Variants in NRXN1 observed in about 807,000 individuals in gnomAD.
The protein encoded by NRXN1 is neurexin 1, also known as neurexin-1.
In NRXN1, 39 loss-of-function variants were observed where a neutral mutation model predicts 150.9. The observed-to-expected ratio is 0.26, with a 90% CI of 0.20 to 0.34. The LOEUF is 0.34. Ranked by LOEUF, NRXN1 falls within the 10% of genes least tolerant of loss-of-function variation. NRXN1 has a pLI of 1.00. For synonymous variants in NRXN1, 924 were observed against 757.0 expected (o/e 1.22, Z -3.62); for missense variants, 1,815 against 1,949.9 (o/e 0.93, Z 1.30).
At chr2:50,782,406 T>G (rs894450354) in intron 5 of NRXN1, among the ~76,000 whole-genome samples, 4 of 151,748 alleles carry the variant, frequency 2.6e-5, no homozygotes, top group Admixed American at 6.6e-5. Flanking sequence ...GGAAAAGGGG[T>G]TGCAGTGAGC....
At chr2:50,441,068 C>T (rs545610289) in intron 17 of NRXN1, among the ~76,000 whole-genome samples, 2 of 152,268 alleles carry the variant, frequency 1.3e-5, no homozygotes, top group African/African-American at 4.8e-5. Context: ...ATTTCTAGAA[C>T]TTCTGATTGT....
intron 8 of NRXN1, among the ~76,000 whole-genome samples, chr2:50,614,599 C>T (rs188818438): frequency 2.7e-5 from 4 of 149,432 alleles, no homozygotes; most frequent in African/African-American, 4.9e-5. Flanking sequence ...AACAAACCTG[C>T]ACGTTGTACA....
At chr2:50,056,347 T>C (rs4971551) in intron 19 of NRXN1, among the ~76,000 whole-genome samples, 4 of 151,852 alleles carry the variant, frequency 2.6e-5, no homozygotes, top group African/African-American at 9.7e-5. Flanking sequence ...TTTGGAGAGA[T>C]AGAAAAGAAC....
intron 18 of NRXN1, chr2:50,174,681 A>G (rs1201692565): frequency 2.0e-5 from 3 of 152,186 alleles, no homozygotes; most frequent in African/African-American, 7.2e-5. Flanking sequence ...GTTCTATAAA[A>G]CAGATAATAG....
intron 17 of NRXN1, among the ~76,000 whole-genome samples, chr2:50,335,501 T>C (rs1272840996): frequency 6.6e-6 from 1 of 152,196 alleles, no homozygotes; most frequent in African/African-American, 2.4e-5. Context: ...AAGTTTTTCC[T>C]CGTCATCTTT....
intron 15 of NRXN1, among the ~76,000 whole-genome samples, chr2:50,472,724 T>A (rs1370500754): frequency 6.6e-6 from 1 of 151,652 alleles, no homozygotes; most frequent in Non-Finnish European, 1.5e-5. Flanking sequence ...ATTGAAGGAA[T>A]GTGGGCTAGC....
intron 21 of NRXN1, among the ~76,000 whole-genome samples, chr2:49,997,705 C>T (rs1245747604): frequency 2.0e-5 from 3 of 152,042 alleles, no homozygotes; most frequent in Non-Finnish European, 2.9e-5. Flanking sequence ...TTAGAATTTT[C>T]CTAAATTATG....
intron 5 of NRXN1, among the ~76,000 whole-genome samples, chr2:50,663,328 GTTC>G (rs1300658833): frequency 1.3e-5 from 2 of 151,814 alleles, no homozygotes; most frequent in Admixed American, 1.3e-4. Flanking sequence ...AGGATTCTTG[GTTC>G]TTCTGGGAAA....
At chr2:50,784,914 C>T (rs1048843326) in intron 5 of NRXN1, among the ~76,000 whole-genome samples, 31 of 152,024 alleles carry the variant, frequency 2.0e-4, no homozygotes, top group African/African-American at 6.0e-4. Flanking sequence ...GTTATAGATA[C>T]GAATTGGAAT....
Position 50,222,367 on chromosome 2 carries a change from T to G in NRXN1, c.3546+14422A>C, listed in dbSNP as rs184609122. ...AAATACACCAGAAAGAAAATCATTC[T>G]ATGGAGCTCAGTTTCCTAAGAAATA... On this transcript the variant is annotated intron_variant, in intron 18 of 22. Coordinates refer to ENST00000401669, the MANE Select transcript of NRXN1 (RefSeq NM_001330078.2). Among the ~76,000 whole-genome samples, 20 of 152,114 alleles carry G rather than the reference T, an allele frequency of 1.3e-4. No individual in the cohort carries two copies. The East Asian group carries it at 3.7e-3, about 28-fold the overall frequency.
chr2:50,402,571 A>G (rs2082462841), intron 17 of NRXN1, among the ~76,000 whole-genome samples: 2 of 152,144 alleles, frequency 1.3e-5, no homozygotes, highest in African/African-American at 4.8e-5. Flanking sequence ...CGGAAGTAGT[A>G]GCTTTCGGAG....
intron 18 of NRXN1, among the ~76,000 whole-genome samples, chr2:50,183,027 C>A (rs1252056271): frequency 6.6e-6 from 1 of 152,036 alleles, no homozygotes; most frequent in African/African-American, 2.4e-5. Context: ...GATATTGAGT[C>A]TAAACCTCCA....
chr2:49,958,691 T>C (rs900589664), intron 21 of NRXN1, among the ~76,000 whole-genome samples: 1 of 152,216 alleles, frequency 6.6e-6, no homozygotes, highest in East Asian at 1.9e-4. Flanking sequence ...GTGTCATTTT[T>C]ATGAGCACGA....
intron 17 of NRXN1, among the ~76,000 whole-genome samples, chr2:50,263,014 G>A (rs2068455262): frequency 6.6e-6 from 1 of 151,882 alleles, no homozygotes; most frequent in South Asian, 2.1e-4. Flanking sequence ...TCATGGAATA[G>A]AAACTCATGT....
At chr2:50,244,511 A>C (rs2066328459) in intron 17 of NRXN1, among the ~76,000 whole-genome samples, 1 of 151,916 alleles carries the variant, frequency 6.6e-6, no homozygotes, top group Non-Finnish European at 1.5e-5. Flanking sequence ...ACTAACATAG[A>C]AAACATTTCT....
chr2:50,020,353 AT>A (rs891767153), intron 21 of NRXN1, among the ~76,000 whole-genome samples: 3 of 152,184 alleles, frequency 2.0e-5, no homozygotes, highest in African/African-American at 7.2e-5. Context: ...CTGTAGTTTC[AT>A]TTTTTATTCT....
In NRXN1 at chr2:50,027,357, C is replaced by T. The variant is rs1230647915; in HGVS notation, c.4128+25914G>A. ...CCTTCCTTTGTTCGTTCCCTTCCTT[C>T]CTTCGTTGCTTCCTTCCTTCCTTCC... On this transcript the variant is annotated intron_variant, in intron 21 of 22. Coordinates refer to ENST00000401669, the MANE Select transcript of NRXN1 (RefSeq NM_001330078.2). 2.9e-5 allele frequency among the ~76,000 whole-genome samples: 4 copies of T among 138,758 alleles called. No individual in the cohort carries two copies. The Admixed American group carries it at 3.0e-4, about 10-fold the overall frequency. The allele number at this position is 138,758 out of a possible 152,430, so 91.0% of individuals were successfully genotyped here. A position where few individuals can be genotyped will look rare whatever the true frequency, so the allele number is the denominator to read the frequency against.
intron 17 of NRXN1, among the ~76,000 whole-genome samples, chr2:50,286,385 T>G (rs913146214): frequency 6.6e-6 from 1 of 152,168 alleles, no homozygotes; most frequent in Non-Finnish European, 1.5e-5. Context: ...TCATGTAGTA[T>G]TCTTCTTTTT....
intron 5 of NRXN1, among the ~76,000 whole-genome samples, chr2:50,681,306 T>A (rs1690368775): frequency 6.6e-6 from 1 of 152,226 alleles, no homozygotes; most frequent in African/African-American, 2.4e-5. Flanking sequence ...CTCAGAAGAC[T>A]AGACCAACTG....
Sources: allele counts gnomAD v4.1 joint callset (sites outside exome capture counted in the v4.1 genomes callset), GRCh38; gene constraint gnomAD v4.1.1; transcripts MANE v1.5; gene names NCBI Gene and HGNC (gene_info 2026-07-23, HGNC 2026-07-21).